Variants in CD99 observed in about 807,000 individuals in gnomAD.
The protein encoded by CD99 is CD99 antigen.
CD99 carries 19 observed loss-of-function variants against 28.4 expected under a neutral mutation model. That is an observed-to-expected ratio of 0.67 (90% CI 0.47 to 0.98). CD99 has a LOEUF of 0.98. Among genes scored for constraint, CD99 ranks in the 50% least tolerant of loss-of-function variants. The pLI is 0.00. For missense variants in CD99, 283 were observed against 248.8 expected (o/e 1.14, Z -0.92); for synonymous variants, 103 against 92.1 (o/e 1.12, Z -0.67).
intron 8 of CD99, among the ~76,000 whole-genome samples, chrX:2,735,732 T>G (rs1487605447): frequency 5.3e-5 from 8 of 152,218 alleles, no homozygotes; most frequent in Non-Finnish European, 2.9e-5. Flanking sequence ...ACATTTGTGG[T>G]GAACATTTTC....
Position 2,740,807 on chromosome X carries a change from G to T in CD99, c.*3G>T. The T allele has an allele frequency of 6.2e-7, 1 of 1,613,934 alleles. No individual in the cohort carries two copies. The highest frequency in any genetic ancestry group is 1.1e-5 in the South Asian group (1 of 91,076). ...AGCGTACTCTTTTAGAGAAATAGAA[G>T]ATTGTCGGCAGAAACAGCCCAGGCG... On this transcript the variant is annotated 3_prime_UTR_variant, in exon 10 of 10. Transcript: ENST00000381192.
At chrX:2,693,078 G>A (rs1460127804) in intron 1 of CD99, among the ~76,000 whole-genome samples, 1 of 152,162 alleles carries the variant, frequency 6.6e-6, no homozygotes, top group African/African-American at 2.4e-5. Flanking sequence ...AGCAGAGTGA[G>A]TGGAAAGCCT....
chrX:2,717,717 G>A (rs1404369243), intron 3 of CD99, 65 bp downstream of exon 3: 7 of 1,438,294 alleles, frequency 4.9e-6, no homozygotes, highest in East Asian at 4.5e-5. Context: ...ACAGCAGGAC[G>A]GGACTTAGGC....
chrX:2,727,171 A>G (rs1223914157), intron 8 of CD99: 10 of 709,886 alleles, frequency 1.4e-5, no homozygotes, highest in Non-Finnish European at 2.6e-5. Context: ...AGCACAGCGG[A>G]TTCCCTTTCT....
chrX:2,714,673 T>C (rs1396803888), intron 2 of CD99: 8 of 422,954 alleles, frequency 1.9e-5, no homozygotes, highest in Admixed American at 4.2e-5. Flanking sequence ...TATACTCCAA[T>C]TGAAAATACC....
chrX:2,701,671 G>C (rs2047870454), intron 1 of CD99, among the ~76,000 whole-genome samples: 1 of 152,256 alleles, frequency 6.6e-6, no homozygotes, highest in Non-Finnish European at 1.5e-5. Flanking sequence ...GCAGGGGCCA[G>C]ATGGTGGGCA....
At chrX:2,713,249 CTG>C (rs1194013980) in intron 1 of CD99, among the ~76,000 whole-genome samples, 3 of 151,976 alleles carry the variant, frequency 2.0e-5, no homozygotes, top group East Asian at 3.8e-4. Context: ...CACCTACACA[CTG>C]TGCACACCTA....
At chrX:2,713,108 T>C (rs1383652037) in intron 1 of CD99, among the ~76,000 whole-genome samples, 3 of 146,238 alleles carry the variant, frequency 2.1e-5, no homozygotes, top group African/African-American at 5.3e-5. Flanking sequence ...AAAACACATA[T>C]ACACACTACA....
intron 8 of CD99, among the ~76,000 whole-genome samples, chrX:2,728,022 C>A (rs1464791837): frequency 2.0e-5 from 3 of 152,024 alleles, no homozygotes; most frequent in Non-Finnish European, 2.9e-5. Flanking sequence ...ATTTGACATC[C>A]ACAAACATTA....
chrX:2,740,756 T>G (rs186183464), intron 9 of CD99, 23 bp from the exon 10 acceptor site: 17 of 1,613,656 alleles, frequency 1.1e-5, no homozygotes, highest in Non-Finnish European at 1.4e-5. Context: ...GGAATGACTT[T>G]CTTTTGTCTC....
chrX:2,717,680 A>G (rs773172382), intron 3 of CD99, 28 bp downstream of exon 3: 43 of 1,601,922 alleles, frequency 2.7e-5, no homozygotes, highest in Non-Finnish European at 3.6e-5. Flanking sequence ...CTAGTATGCA[A>G]AGAAAAAGAG....
At position 2,691,518 on chromosome X, in the gene CD99, G is replaced by T. The variant is rs1302595112; in HGVS notation, c.67+91G>T. The stretch of plus-strand genomic sequence containing the variant: ...TGAGATGCGGCGTTGGGGGCGCCCC[G>T]CGGGGACACCCGGAGCCTCCTCCCT... On this transcript the variant is annotated intron_variant, in intron 1 of 9. Transcript: ENST00000381192. 2.2e-6 allele frequency: 3 copies of T among 1,392,290 alleles called. No homozygotes were observed. In the Admixed American group the frequency reaches 6.0e-5, roughly 28 times the overall value. 86.2% of individuals were successfully genotyped at this position (1,392,290 alleles called of 1,614,324 possible).
At chrX:2,692,249 A>T (rs979341799) in intron 1 of CD99, 78 of 127,862 alleles carry the variant, frequency 6.1e-4, no homozygotes, top group Middle Eastern at 5.1e-3. Context: ...TTTTCATGTT[A>T]TAAATTCTTT....
chrX:2,706,731 G>C (rs147677898), intron 1 of CD99, among the ~76,000 whole-genome samples: 2 of 152,048 alleles, frequency 1.3e-5, no homozygotes, highest in African/African-American at 4.8e-5. Context: ...TGATGTCCCT[G>C]GCTGCTGCTG....
chrX:2,706,369 AAAAAAC>A (rs1372419301), intron 1 of CD99, among the ~76,000 whole-genome samples: 25 of 150,682 alleles, frequency 1.7e-4, no homozygotes, highest in African/African-American at 3.4e-4. Context: ...CAAAAAAAGG[AAAAAAC>A]AAAAAACAAA....
At chrX:2,717,730 C>A in intron 3 of CD99, 78 bp downstream of exon 3, 1 of 1,315,872 alleles carries the variant, frequency 7.6e-7, no homozygotes, top group Non-Finnish European at 1.1e-6. Flanking sequence ...ACTTAGGCAA[C>A]TAGAAAGAAG....
chrX:2,700,209 G>A (rs1343707725), intron 1 of CD99, among the ~76,000 whole-genome samples: 1 of 152,136 alleles, frequency 6.6e-6, no homozygotes, highest in African/African-American at 2.4e-5. Context: ...GACTTGAAGG[G>A]GAGGAGAATG....
At chrX:2,739,409 T>G (rs535647777) in intron 9 of CD99, among the ~76,000 whole-genome samples, 2 of 152,256 alleles carry the variant, frequency 1.3e-5, no homozygotes, top group East Asian at 1.9e-4. Context: ...ATAGCAGCTG[T>G]CAAATTGAGA....
chrX:2,696,751 G>A (rs1256607795), intron 1 of CD99, among the ~76,000 whole-genome samples: 3 of 152,062 alleles, frequency 2.0e-5, no homozygotes, highest in Admixed American at 6.6e-5. Flanking sequence ...TCCAACTGAC[G>A]GTATCTTTTC....
Sources: allele counts gnomAD v4.1 joint callset (sites outside exome capture counted in the v4.1 genomes callset), GRCh38; gene constraint gnomAD v4.1.1; transcripts MANE v1.5; gene names NCBI Gene and HGNC (gene_info 2026-07-23, HGNC 2026-07-21).